The following KLF12 variants were observed in gnomAD, a reference collection of about 807,000 sequenced individuals.
KLF12 encodes the protein KLF transcription factor 12, also known as Krueppel-like factor 12.
KLF12 carries 9 observed loss-of-function variants against 37.8 expected under a neutral mutation model. The ratio of observed to expected loss-of-function variants is 0.24; its 90% CI spans 0.14 to 0.42. The LOEUF is 0.42. Ranked by LOEUF, KLF12 falls within the 10% of genes least tolerant of loss-of-function variation. The pLI, the probability that KLF12 is intolerant of heterozygous loss-of-function variation, is 1.00. For synonymous variants in KLF12, 208 were observed against 202.1 expected (o/e 1.03, Z -0.25); for missense variants, 411 against 516.0 (o/e 0.80, Z 1.97).
intron 6 of KLF12, among the ~76,000 whole-genome samples, chr13:73,746,991 AT>A (rs1878416927): frequency 6.6e-6 from 1 of 151,522 alleles, no homozygotes; most frequent in South Asian, 2.1e-4. Context: ...ATTTTTTTGT[AT>A]TTTTAGTAGA....
the KLF12 span, among the ~76,000 whole-genome samples, chr13:74,235,572 C>T: frequency 6.6e-6 from 1 of 152,124 alleles, no homozygotes; most frequent in Non-Finnish European, 1.5e-5. Flanking sequence ...CTCCCCCTCA[C>T]TCTAACTATA....
At chr13:74,214,863 C>T in the KLF12 span, among the ~76,000 whole-genome samples, 3 of 152,024 alleles carry the variant, frequency 2.0e-5, no homozygotes, top group East Asian at 1.9e-4. Flanking sequence ...GGCAGGATCT[C>T]ATCTCACTGC....
In KLF12 at chr13:73,859,123, G is replaced by A. The variant is rs889406551; in HGVS notation, c.124-12750C>T. On this transcript the variant is annotated intron_variant, in intron 3 of 7. Transcript: ENST00000377669. ...CCTCTCTGTCATTAGGTCTTTTCTGGGGCAAGTGACAGCAACTCCCTCATC... is the reference window on the plus strand; with the variant it reads ...CCTCTCTGTCATTAGGTCTTTTCTGAGGCAAGTGACAGCAACTCCCTCATC... Among the ~76,000 whole-genome samples the A allele has an allele frequency of 7.2e-5, 11 of 152,106 alleles. No individual in the cohort carries two copies. In the South Asian group the frequency reaches 1.2e-3, roughly 17 times the overall value.
intron 4 of KLF12, among the ~76,000 whole-genome samples, chr13:73,817,329 G>GAAAAAT (rs1384942838): frequency 1.2e-5 from 1 of 82,086 alleles, no homozygotes; most frequent in Non-Finnish European, 2.6e-5. Flanking sequence ...AAAAAAAAAA[G>GAAAAAT]AAAAGAAAAA....
intron 4 of KLF12, among the ~76,000 whole-genome samples, chr13:73,830,918 A>G (rs981787508): frequency 1.3e-5 from 2 of 152,022 alleles, no homozygotes; most frequent in African/African-American, 2.4e-5. Flanking sequence ...GCAGGATGCT[A>G]AAGAAATGAA....
At chr13:73,812,527 T>C (rs1212804360) in intron 5 of KLF12, among the ~76,000 whole-genome samples, 1 of 151,742 alleles carries the variant, frequency 6.6e-6, no homozygotes, top group Non-Finnish European at 1.5e-5. Context: ...TCAATAAAGC[T>C]GAAAAAATTA....
the KLF12 span, among the ~76,000 whole-genome samples, chr13:74,180,962 G>T: frequency 6.6e-6 from 1 of 152,094 alleles, no homozygotes; most frequent in South Asian, 2.1e-4. Flanking sequence ...ATTGTTTCAG[G>T]TCCTTTGATT....
chr13:74,272,939 AG>A, the KLF12 span, among the ~76,000 whole-genome samples: 1 of 151,952 alleles, frequency 6.6e-6, no homozygotes, highest in East Asian at 1.9e-4. Flanking sequence ...AAGCTTAAAA[AG>A]AATAGACCAG....
chr13:73,985,920 T>C (rs75903763), intron 2 of KLF12, among the ~76,000 whole-genome samples: 2,047 of 152,308 alleles, frequency 0.013, 37 homozygotes, highest in East Asian at 0.065. Context: ...TATCTGTTAA[T>C]TTCAATAGAT....
intron 1 of KLF12, among the ~76,000 whole-genome samples, chr13:74,013,332 G>C (rs1010597071): frequency 2.6e-5 from 4 of 152,222 alleles, no homozygotes; most frequent in African/African-American, 9.7e-5. Flanking sequence ...AAAGAGCCAG[G>C]GTTGAGACCG....
chr13:74,046,217 C>T (rs1269010815), intron 1 of KLF12, among the ~76,000 whole-genome samples: 1 of 152,092 alleles, frequency 6.6e-6, no homozygotes, highest in African/African-American at 2.4e-5. Flanking sequence ...AGATCCCATA[C>T]CAACCTACGA....
the KLF12 span, among the ~76,000 whole-genome samples, chr13:74,229,966 C>T: frequency 1.3e-5 from 2 of 152,208 alleles, no homozygotes; most frequent in African/African-American, 4.8e-5. Context: ...TGTCACTTAA[C>T]TGTGTGAAGA....
the KLF12 span, among the ~76,000 whole-genome samples, chr13:74,222,560 T>C: frequency 6.6e-6 from 1 of 152,222 alleles, no homozygotes; most frequent in Non-Finnish European, 1.5e-5. Context: ...TTTTACCTTT[T>C]TAAAATAGGT....
chr13:73,709,532 T>A (rs550838355), intron 7 of KLF12, among the ~76,000 whole-genome samples: 7 of 152,340 alleles, frequency 4.6e-5, no homozygotes, highest in African/African-American at 1.7e-4. Context: ...TGTTACAAAA[T>A]CTTATACATA....
At chr13:74,240,081 C>T in the KLF12 span, among the ~76,000 whole-genome samples, 2 of 151,898 alleles carry the variant, frequency 1.3e-5, no homozygotes, top group Admixed American at 6.6e-5. Flanking sequence ...GCGGCTGGTA[C>T]CGGTTGTTCT....
intron 5 of KLF12, among the ~76,000 whole-genome samples, chr13:73,809,479 A>C: frequency 6.6e-6 from 1 of 152,132 alleles, no homozygotes; most frequent in Admixed American, 6.6e-5. Context: ...GTGCACACTG[A>C]AAGTTAACTT....
At chr13:73,957,746 A>G (rs1377113582) in intron 2 of KLF12, among the ~76,000 whole-genome samples, 2 of 152,220 alleles carry the variant, frequency 1.3e-5, no homozygotes, top group Non-Finnish European at 2.9e-5. Flanking sequence ...AAAGTGACAT[A>G]AAATTTAATA....
At chr13:73,734,772 T>C (rs1334551562) in intron 6 of KLF12, among the ~76,000 whole-genome samples, 1 of 152,166 alleles carries the variant, frequency 6.6e-6, no homozygotes, top group Non-Finnish European at 1.5e-5. Flanking sequence ...TGTCTGATTT[T>C]CACAAAATTA....
intron 4 of KLF12, among the ~76,000 whole-genome samples, chr13:73,834,988 A>G (rs566221412): frequency 1.3e-5 from 2 of 152,290 alleles, no homozygotes; most frequent in African/African-American, 4.8e-5. Flanking sequence ...CACAGAATGC[A>G]GCATTTTTAT....
Sources: gnomAD v4.1 joint callset for allele counts (sites outside exome capture counted in the v4.1 genomes callset) on GRCh38, gnomAD v4.1.1 for gene constraint, MANE v1.5 for transcripts, NCBI Gene and HGNC (gene_info 2026-07-23, HGNC 2026-07-21) for gene names.